The following SACS variants were observed in gnomAD, a reference collection of about 807,000 sequenced individuals.
SACS encodes sacsin molecular chaperone, also known as sacsin.
In SACS, 197 loss-of-function variants were observed where a neutral mutation model predicts 348.0. That is an observed-to-expected ratio of 0.57 (90% CI 0.50 to 0.64). The LOEUF is 0.64. SACS is among the 30% of genes least tolerant of loss of function. The pLI is 0.00. For synonymous variants in SACS, 1,985 were observed against 1,910.6 expected (o/e 1.04, Z -1.02); for missense variants, 4,999 against 5,360.8 (o/e 0.93, Z 2.11).
At chr13:23,372,674 C>T (rs1239261346) in intron 3 of SACS, among the ~76,000 whole-genome samples, 1 of 152,188 alleles carries the variant, frequency 6.6e-6, no homozygotes, top group Non-Finnish European at 1.5e-5. Context: ...GTCTCACCAA[C>T]AGCTGAACTA....
intron 5 of SACS, among the ~76,000 whole-genome samples, chr13:23,366,219 G>A (rs1045159433): frequency 1.3e-5 from 2 of 152,226 alleles, no homozygotes; most frequent in Non-Finnish European, 2.9e-5. Context: ...CATCAGAGTA[G>A]AGAGGTGGTA....
intron 1 of SACS, among the ~76,000 whole-genome samples, chr13:23,429,674 T>G (rs1439537146): frequency 6.6e-6 from 1 of 151,964 alleles, no homozygotes; most frequent in Non-Finnish European, 1.5e-5. Flanking sequence ...GAGGTAGGGA[T>G]TTTTAACCTA....
chr13:23,334,065 C>A lies in SACS; in HGVS notation c.9811G>T (p.Val3271Phe), dbSNP rs1883667348. The change falls in exon 10 of 10, where the codon GTT becomes TTT. Residue 3271 changes from valine (V) to phenylalanine (F), a missense_variant. By Grantham distance (50) the Val-to-Phe change is conservative. Around this residue, in one of 6 missense-constraint regions of SACS, gnomAD observed 734 missense variants for 694.0 expected, o/e 1.06. Transcript: ENST00000382292. ...QEETKPTFDI[V>F]VDTLKDWALL... ...GCCCAGTCTTTTAGAGTATCAACAA[C>A]AATGTCAAATGTTGGTTTTGTTTCT... 1.9e-6 allele frequency: 3 copies of A among 1,613,680 alleles called. No homozygotes were observed. Among genetic ancestry groups the A allele is most frequent in the Non-Finnish European group, 2.5e-6 (3 of 1,179,808 alleles).
Position 23,355,172 on chromosome 13 carries a change from T to C in SACS, c.1440A>G (p.Arg480=). The C allele has an allele frequency of 1.2e-6, 2 of 1,614,186 alleles. No homozygotes were observed. Among genetic ancestry groups the C allele is most frequent in the Non-Finnish European group, 1.7e-6 (2 of 1,180,030 alleles). The change falls in exon 8 of 10, where the codon AGA becomes AGG. Residue 480 remains arginine (R), a synonymous_variant. Coordinates refer to ENST00000382292, the MANE Select transcript of SACS (RefSeq NM_014363.6). ...LTDNRRSIKW[R]ELDQWRDPAA... ...CCGGGTCTCTCCACTGGTCCAGCTC[T>C]CTCCATTTTATGCTCCTGCGGTTAT... is the stretch of plus-strand genomic sequence containing the variant.
chr13:23,382,325 T>G (rs1332399711), intron 2 of SACS, among the ~76,000 whole-genome samples: 1 of 152,076 alleles, frequency 6.6e-6, no homozygotes, highest in Non-Finnish European at 1.5e-5. Flanking sequence ...GGCTAATTTT[T>G]TGTAGGTCAG....
In SACS at chr13:23,341,089, G is replaced by A; in HGVS notation, c.2787C>T (p.Arg929=). ...RIIQELAIFK[R]INHSSDQGIS... ...TTCCCTGATCAGAAGAATGGTTAAT[G>A]CGCTTGAATATTGCCAATTCTTGAA... The change falls in exon 10 of 10, where the codon CGC becomes CGT. Residue 929 remains arginine, a synonymous_variant. Transcript: ENST00000382292. 1 of 1,613,930 alleles carries A rather than the reference G, an allele frequency of 6.2e-7. No individual in the cohort carries two copies. Among genetic ancestry groups the A allele is most frequent in the Non-Finnish European group, 8.5e-7 (1 of 1,180,012 alleles).
chr13:23,402,108 G>A (rs912857697), intron 2 of SACS, among the ~76,000 whole-genome samples: 1 of 151,924 alleles, frequency 6.6e-6, no homozygotes, highest in Admixed American at 6.6e-5. Context: ...AACCTGGAAG[G>A]CGGAGCTTGC....
chr13:23,340,996 C>A lies in SACS; in HGVS notation c.2880G>T (p.Leu960=). 1 of 1,614,094 alleles carries A rather than the reference C, an allele frequency of 6.2e-7. No homozygotes were observed. The highest frequency in any genetic ancestry group is 8.5e-7 in the Non-Finnish European group (1 of 1,179,966). Residue 960 remains leucine, a synonymous_variant, in exon 10 of 10, where the codon CTG becomes CTT. Transcript: ENST00000382292. ...TGTCTATTACTGAAATAGAAAGTCG[C>A]AGATCTGCTGGGAGTTTGGCAGTAT... is the stretch of plus-strand genomic sequence containing the variant. ...LHHTAKLPAD[L]RLSISVIDSS... is the part of the protein sequence containing the mutation.
In SACS at chr13:23,333,108, C is replaced by T. The variant is rs756286387; in HGVS notation, c.10768G>A (p.Gly3590Arg). 6.2e-7 allele frequency: 1 copy of T among 1,613,550 alleles called. No homozygotes were observed. Among genetic ancestry groups the T allele is most frequent in the East Asian group, 2.2e-5 (1 of 44,858 alleles). The stretch of plus-strand genomic sequence containing the variant: ...TGCTGAGAAAGTATGTATTTTAGTC[C>T]AATATTTCTTAAGAATTCCACCCAG... ...TSWVEFLRNI[G>R]LKYILSQQQL... The change falls in exon 10 of 10, where the codon GGA becomes AGA. Residue 3590 changes from glycine (G) to arginine (R), a missense_variant. Gly to Arg is a moderately radical substitution (Grantham distance 125, BLOSUM62 -2). Transcript: ENST00000382292.
At chr13:23,365,309 T>C in intron 5 of SACS, 32 bp from the exon 6 acceptor site, 1 of 1,207,880 alleles carries the variant, frequency 8.3e-7, no homozygotes, top group South Asian at 1.3e-5. Context: ...AAATAGTAAT[T>C]AATAACACAG....
rs115907022 is a variant in SACS at position 23,422,644 on chromosome 13, C to T, written c.-501-10904G>A. Among the ~76,000 whole-genome samples, 399 of 144,772 alleles carry T rather than the reference C, an allele frequency of 2.8e-3. 2 individuals carry two copies. The highest frequency in any genetic ancestry group is 9.9e-3 in the African/African-American group (387 of 39,060). The allele number at this position is 144,772 out of a possible 152,430, so 95.0% of individuals were successfully genotyped here. On this transcript the variant is annotated intron_variant, in intron 1 of 9. Coordinates refer to ENST00000382292, the MANE Select transcript of SACS (RefSeq NM_014363.6). The stretch of plus-strand genomic sequence containing the variant: ...CTAAAACAGTCTGTGTGCAAAGATG[C>T]TTTGTGATGTGGTGTTTCTTTTTTT...
chr13:23,397,415 A>G (rs569834478), intron 2 of SACS, among the ~76,000 whole-genome samples: 324 of 152,342 alleles, frequency 2.1e-3, no homozygotes, highest in African/African-American at 7.5e-3. Context: ...ATGTGGCCAA[A>G]GCTCACTAAG....
rs756825726 is a variant in SACS, at chr13:23,338,720, C to T, written c.5156G>A (p.Cys1719Tyr). ...QDTVIIKKKS[C>Y]SSKALNTPVL... ...AGGTGTGTTCAATGCTTTGGAAGAG[C>T]AGGATTTTTTTTTAATTATTACTGT... is the stretch of plus-strand genomic sequence containing the variant. Residue 1719 changes from cysteine to tyrosine, a missense_variant, in exon 10 of 10, where the codon TGC becomes TAC. By Grantham distance (194) the Cys-to-Tyr change is radical. Coordinates refer to ENST00000382292, the MANE Select transcript of SACS (RefSeq NM_014363.6). The T allele has an allele frequency of 6.2e-7, 1 of 1,608,044 alleles. No individual in the cohort carries two copies. The highest frequency in any genetic ancestry group is 1.7e-5 in the Admixed American group (1 of 58,836).
chr13:23,402,755 G>T (rs1873033983), intron 2 of SACS, among the ~76,000 whole-genome samples: 1 of 152,138 alleles, frequency 6.6e-6, no homozygotes, highest in Non-Finnish European at 1.5e-5. Context: ...GAGTAAAGAA[G>T]GTCATTTTCT....
intron 2 of SACS, among the ~76,000 whole-genome samples, chr13:23,401,034 A>G (rs571676802): frequency 2.0e-5 from 3 of 152,270 alleles, no homozygotes; most frequent in African/African-American, 7.2e-5. Flanking sequence ...CAAATGGGTA[A>G]ATATTATTAA....
chr13:23,431,759 G>T (rs1047996785), intron 1 of SACS, among the ~76,000 whole-genome samples: 4 of 152,196 alleles, frequency 2.6e-5, no homozygotes, highest in Non-Finnish European at 5.9e-5. Context: ...AGACAAGAGG[G>T]CTTAGAACAG....
At chr13:23,383,485 C>T (rs1235468637) in intron 2 of SACS, among the ~76,000 whole-genome samples, 2 of 152,182 alleles carry the variant, frequency 1.3e-5, no homozygotes, top group African/African-American at 4.8e-5. Context: ...CCAAATGTTT[C>T]CCAGCCTTGT....
Position 23,331,352 on chromosome 13 carries a change from A to G in SACS, c.12524T>C (p.Val4175Ala). 3 of 1,614,008 alleles carry G rather than the reference A, an allele frequency of 1.9e-6. No homozygotes were observed. Among genetic ancestry groups the G allele is most frequent in the Non-Finnish European group, 2.5e-6 (3 of 1,179,956 alleles). Residue 4175 changes from valine to alanine, a missense_variant, in exon 10 of 10, where the codon GTT (valine) becomes GCT (alanine). Coordinates refer to ENST00000382292, the MANE Select transcript of SACS (RefSeq NM_014363.6). ...HYTLLMDPMN[V>A]FYPGEYVGYL... ...CCCAACATATTCTCCCGGGTAAAAA[A>G]CATTCATTGGGTCCATAAGCAGAGT...
In SACS at chr13:23,330,575, A is replaced by G; in HGVS notation, c.13301T>C (p.Val4434Ala). 1.9e-6 allele frequency: 3 copies of G among 1,614,064 alleles called. No homozygotes were observed. The highest frequency in any genetic ancestry group is 2.5e-6 in the Non-Finnish European group (3 of 1,179,980). Reference protein sequence around the residue: ...AGQTYSQRFFVPPTFKSVGNP... With the variant: ...AGQTYSQRFFAPPTFKSVGNP... ...GCCAACCGACTTGAAAGTGGGAGGA[A>G]CAAAGAACCTTTGAGAGTAAGTCTG... The change falls in exon 10 of 10, where the codon GTT becomes GCT. Residue 4434 changes from valine (V) to alanine (A), a missense_variant. Val to Ala is a moderately conservative substitution (Grantham distance 64). This residue lies in a region of SACS where 254 missense variants were observed against 275.1 expected (regional missense o/e 0.92). Coordinates refer to ENST00000382292, the MANE Select transcript of SACS (RefSeq NM_014363.6).
Sources: gnomAD v4.1 joint callset for allele counts (sites outside exome capture counted in the v4.1 genomes callset) on GRCh38, gnomAD v4.1.1 for gene constraint, gnomAD v4.1.1 regional missense constraint, MANE v1.5 for transcripts, NCBI Gene and HGNC (gene_info 2026-07-23, HGNC 2026-07-21) for gene names.